ARMC2: variants seen among roughly 807,000 people sequenced by gnomAD.
ARMC2 encodes armadillo repeat containing 2.
Under a neutral mutation model 90.3 loss-of-function variants are expected in ARMC2, and 67 were observed. The observed-to-expected ratio is 0.74, with a 90% CI of 0.61 to 0.91. The LOEUF is 0.91. ARMC2 is among the 40% of genes least tolerant of loss of function. The pLI, the probability that ARMC2 is intolerant of heterozygous loss-of-function variation, is 0.00. For synonymous variants in ARMC2, 393 were observed against 393.0 expected (o/e 1.00, Z 0.00); for missense variants, 920 against 1,030.9 (o/e 0.89, Z 1.47).
the ARMC2 span, among the ~76,000 whole-genome samples, chr6:109,028,593 G>C: frequency 9.2e-5 from 14 of 152,268 alleles, no homozygotes; most frequent in East Asian, 2.7e-3. Flanking sequence ...TAGGGGGTAA[G>C]ACAGGGTTAA....
chr6:108,955,019 A>G (rs1777468543), intron 13 of ARMC2, among the ~76,000 whole-genome samples: 3 of 151,974 alleles, frequency 2.0e-5, no homozygotes, highest in African/African-American at 7.3e-5. Context: ...AAGAGAGCAC[A>G]CTCTGGGGTC....
chr6:109,017,866 T>A, the ARMC2 span, among the ~76,000 whole-genome samples: 1 of 152,220 alleles, frequency 6.6e-6, no homozygotes, highest in Admixed American at 6.5e-5. Context: ...AAAGTTCTAA[T>A]CTTTTAATAT....
the ARMC2 span, among the ~76,000 whole-genome samples, chr6:108,983,297 CTTT>C: frequency 6.6e-6 from 1 of 152,130 alleles, no homozygotes; most frequent in African/African-American, 2.4e-5. Flanking sequence ...TTCCAATGGT[CTTT>C]TTTTCTTTTG....
At position 108,894,452 on chromosome 6, in the gene ARMC2, A is replaced by T; in HGVS notation, c.672-15A>T. On this transcript the variant is annotated splice_polypyrimidine_tract_variant and intron_variant, in intron 5 of 17. Transcript: ENST00000392644. The stretch of plus-strand genomic sequence containing the variant: ...TTTTCATGTTTGCGCTGAGTGTTTT[A>T]TGTATTCCTCCTAGGGACCAGGGGA... The T allele has an allele frequency of 6.2e-7, 1 of 1,604,314 alleles. No individual in the cohort carries two copies. Among genetic ancestry groups the T allele is most frequent in the East Asian group, 2.2e-5 (1 of 44,476 alleles).
At chr6:108,932,622 G>GCAA (rs1775660003) in intron 11 of ARMC2, among the ~76,000 whole-genome samples, 1 of 137,088 alleles carries the variant, frequency 7.3e-6, no homozygotes, top group Admixed American at 8.4e-5. Context: ...TCTGCCTCCC[G>GCAA]GGTTCACACC....
intron 12 of ARMC2, among the ~76,000 whole-genome samples, chr6:108,947,747 C>T (rs1299013309): frequency 4.6e-5 from 7 of 151,650 alleles, no homozygotes; most frequent in East Asian, 1.9e-4. Context: ...TCTGGTTGGC[C>T]GTAGCTGTTG....
At chr6:108,853,979 T>A (rs770800249) in intron 1 of ARMC2, among the ~76,000 whole-genome samples, 1 of 152,126 alleles carries the variant, frequency 6.6e-6, no homozygotes, top group Non-Finnish European at 1.5e-5. Flanking sequence ...TTAGTCTTTC[T>A]CTCTGGGTTT....
At chr6:109,049,566 A>G in the ARMC2 span, among the ~76,000 whole-genome samples, 22 of 152,114 alleles carry the variant, frequency 1.4e-4, no homozygotes, top group Non-Finnish European at 3.2e-4. Flanking sequence ...AACTGTTTAG[A>G]TGACGGATTT....
At chr6:108,869,054 A>G in intron 4 of ARMC2, 59 bp downstream of exon 4, 1 of 1,490,754 alleles carries the variant, frequency 6.7e-7, no homozygotes, top group Non-Finnish European at 9.0e-7. Context: ...GAATTTGCAC[A>G]CAAAAGCTAA....
At chr6:108,986,473 C>T in the ARMC2 span, 1 of 152,686 alleles carries the variant, frequency 6.5e-6, no homozygotes, top group East Asian at 1.9e-4. Context: ...TTTAAAAATA[C>T]CAGTAATACT....
the ARMC2 span, among the ~76,000 whole-genome samples, chr6:108,998,222 G>C: frequency 1.3e-5 from 2 of 152,096 alleles, no homozygotes; most frequent in Non-Finnish European, 2.9e-5. Flanking sequence ...AATATTATTT[G>C]GTCCTGACGG....
the ARMC2 span, among the ~76,000 whole-genome samples, chr6:109,013,020 G>C: frequency 6.6e-6 from 1 of 151,956 alleles, no homozygotes; most frequent in East Asian, 1.9e-4. Context: ...GGAGGCTGGG[G>C]CAGGAGAATT....
At chr6:109,024,628 C>T in the ARMC2 span, among the ~76,000 whole-genome samples, 1 of 152,168 alleles carries the variant, frequency 6.6e-6, no homozygotes, top group African/African-American at 2.4e-5. Flanking sequence ...GCATTTAATA[C>T]ACCAAATCTT....
the ARMC2 span, among the ~76,000 whole-genome samples, chr6:108,991,034 C>T: frequency 6.7e-6 from 1 of 149,488 alleles, no homozygotes; most frequent in Non-Finnish European, 1.5e-5. Flanking sequence ...TGTTTTATAA[C>T]TCAGTGAGTT....
the ARMC2 span, among the ~76,000 whole-genome samples, chr6:109,050,756 C>A: frequency 6.6e-6 from 1 of 152,204 alleles, no homozygotes; most frequent in African/African-American, 2.4e-5. Flanking sequence ...GAGCTATCTT[C>A]TTTTAGTAAT....
At position 108,963,684 on chromosome 6, in the gene ARMC2, A is replaced by T. The variant is rs150916348; in HGVS notation, c.2153-496A>T. ...TGAGGCAGGAGCCTGTCCTGCCTTG[A>T]GATGTCCCTACACTGGAAGGCCTGC... On this transcript the variant is annotated intron_variant, in intron 15 of 17. Coordinates refer to ENST00000392644, the MANE Select transcript of ARMC2 (RefSeq NM_032131.6). Among the ~76,000 whole-genome samples, 23 of 152,226 alleles carry T rather than the reference A, an allele frequency of 1.5e-4. 1 individual carries two copies. The East Asian group carries it at 4.5e-3, about 29-fold the overall frequency.
the ARMC2 span, among the ~76,000 whole-genome samples, chr6:109,022,969 C>T: frequency 1.3e-5 from 2 of 152,122 alleles, no homozygotes; most frequent in Non-Finnish European, 2.9e-5. Context: ...CCAAGGGACC[C>T]TAACTCCTAC....
intron 8 of ARMC2, chr6:108,907,626 G>C: frequency 6.3e-7 from 1 of 1,584,394 alleles, no homozygotes; most frequent in Non-Finnish European, 8.6e-7. Context: ...TATTTGCGGA[G>C]CCACTCGTGC....
At chr6:109,009,459 A>C in the ARMC2 span, 8 of 1,305,650 alleles carry the variant, frequency 6.1e-6, no homozygotes, top group Non-Finnish European at 7.8e-6. Context: ...GGCCAAGCGC[A>C]TGTCGGCGCG....
Sources: allele counts gnomAD v4.1 joint callset (sites outside exome capture counted in the v4.1 genomes callset), GRCh38; gene constraint gnomAD v4.1.1; transcripts MANE v1.5; gene names NCBI Gene and HGNC (gene_info 2026-07-23, HGNC 2026-07-21).